Variants in TOX2 observed in about 807,000 individuals in gnomAD.
The protein encoded by TOX2 is TOX high mobility group box family member 2.
In TOX2, 15 loss-of-function variants were observed where a neutral mutation model predicts 47.4. The ratio of observed to expected loss-of-function variants is 0.32; its 90% confidence interval spans 0.21 to 0.49. The LOEUF (loss-of-function observed/expected upper bound fraction) is 0.49, where lower values mean the gene tolerates loss of function less well. Among genes scored for constraint, TOX2 ranks in the 20% least tolerant of loss-of-function variants. The pLI is 0.99. For synonymous variants in TOX2, 290 were observed against 296.6 expected (o/e 0.98, Z 0.23); for missense variants, 622 against 673.1 (o/e 0.92, Z 0.84).
At position 44,066,787 on chromosome 20, in the gene TOX2, T is replaced by G. The variant is rs1182114716; in HGVS notation, c.1414T>G (p.Ser472Ala). 6.2e-7 allele frequency: 1 copy of G among 1,614,138 alleles called. No individual in the cohort carries two copies. The highest frequency in any genetic ancestry group is 1.7e-5 in the Admixed American group (1 of 60,024). Residue 472 changes from serine (S) to alanine (A), a missense_variant, in exon 8 of 9, where the codon TCC becomes GCC. Ser to Ala is a moderately conservative substitution (Grantham distance 99). Around this residue, in one of 3 missense-constraint regions of TOX2, gnomAD observed 294 missense variants for 300.0 expected, o/e 0.98. Transcript: ENST00000341197. ...SSSGSCSPGPSNPTSSGDWDS... is the reference protein window; with the variant it reads ...SSSGSCSPGPANPTSSGDWDS... ...CTCGGGATCCTGCTCACCTGGCCCA[T>G]CCAACCCCACCAGCAGCGGGGACTG...
intron 5 of TOX2, among the ~76,000 whole-genome samples, chr20:44,058,611 A>AAAATACAACC (rs1379578290): frequency 6.6e-6 from 1 of 152,238 alleles, no homozygotes; most frequent in Non-Finnish European, 1.5e-5. Flanking sequence ...AGTGCACTTA[A>AAAATACAACC]AAATACAACC....
chr20:44,059,167 A>G (rs1202356693), intron 5 of TOX2, among the ~76,000 whole-genome samples: 1 of 152,212 alleles, frequency 6.6e-6, no homozygotes, highest in Non-Finnish European at 1.5e-5. Context: ...GTGAAATAGC[A>G]TAAATAAAAA....
chr20:43,914,870 C>A lies in TOX2; in HGVS notation c.-22C>A. 1 of 977,184 alleles carries A rather than the reference C, an allele frequency of 1.0e-6. No homozygotes were observed. Among genetic ancestry groups the A allele is most frequent in the Non-Finnish European group, 1.2e-6 (1 of 822,122 alleles). 60.5% of individuals were successfully genotyped at this position (977,184 alleles called of 1,614,324 possible). On this transcript the variant is annotated 5_prime_UTR_variant, in exon 1 of 9. Coordinates refer to ENST00000341197, the MANE Select transcript of TOX2 (RefSeq NM_001098797.2). This position sits in a 1 kb window ranked among gnomAD's most constrained non-coding sequence, Gnocchi z 4.5. ...CCCAGGCACTGCCCGCGGGAGCCGC[C>A]GCCGCCGCCGCCGCGCCCGCCATGG...
At chr20:44,036,342 G>T (rs2071239557) in intron 3 of TOX2, among the ~76,000 whole-genome samples, 1 of 152,200 alleles carries the variant, frequency 6.6e-6, no homozygotes, top group African/African-American at 2.4e-5. Flanking sequence ...ATGGGGTAGG[G>T]CTGTGGACAC....
At chr20:43,967,686 C>A (rs1233014019) in intron 1 of TOX2, among the ~76,000 whole-genome samples, 2 of 152,168 alleles carry the variant, frequency 1.3e-5, no homozygotes, top group East Asian at 3.8e-4. Flanking sequence ...TTTGTCCATC[C>A]ACCCATCTCA....
chr20:44,027,240 T>G (rs1169616606), intron 3 of TOX2, among the ~76,000 whole-genome samples: 1 of 149,018 alleles, frequency 6.7e-6, no homozygotes, highest in Non-Finnish European at 1.5e-5. Context: ...ATAAATTCTT[T>G]GGAAAGATGG....
intron 1 of TOX2, among the ~76,000 whole-genome samples, chr20:43,928,458 G>A (rs1045757260): frequency 3.3e-5 from 5 of 152,212 alleles, no homozygotes; most frequent in African/African-American, 1.2e-4. Context: ...TGTGTTGGTC[G>A]CTTTATTGCT....
At chr20:43,954,977 A>G (rs6031256) in intron 1 of TOX2, among the ~76,000 whole-genome samples, 52,115 of 152,018 alleles carry the variant, frequency 0.34, 10,386 homozygotes, top group African/African-American at 0.54. Flanking sequence ...TGCCTTATCT[A>G]CAATCCAAAA....
intron 2 of TOX2, among the ~76,000 whole-genome samples, chr20:43,979,456 G>A (rs2070134935): frequency 6.6e-6 from 1 of 151,904 alleles, no homozygotes; most frequent in South Asian, 2.1e-4. Flanking sequence ...AGAAGAGAGG[G>A]GATCTAGGTG....
intron 2 of TOX2, among the ~76,000 whole-genome samples, chr20:43,983,358 C>T (rs1441283400): frequency 3.9e-5 from 6 of 152,174 alleles, no homozygotes; most frequent in African/African-American, 1.4e-4. Flanking sequence ...CTTCACAGAT[C>T]CCCAAGTTTG....
At chr20:43,968,122 C>G (rs555927792) in intron 1 of TOX2, among the ~76,000 whole-genome samples, 1 of 152,316 alleles carries the variant, frequency 6.6e-6, no homozygotes, top group South Asian at 2.1e-4. Flanking sequence ...GTCTATCCAT[C>G]ACCCATCTAT....
At chr20:44,054,230 C>A in intron 4 of TOX2, 69 bp from the exon 5 acceptor site, 1 of 1,507,092 alleles carries the variant, frequency 6.6e-7, no homozygotes, top group Non-Finnish European at 9.0e-7. Context: ...CGGCCCAAGT[C>A]TGTGTTGATC....
intron 1 of TOX2, among the ~76,000 whole-genome samples, chr20:43,917,297 C>T (rs554321919): frequency 1.3e-5 from 2 of 152,226 alleles, no homozygotes; most frequent in East Asian, 3.9e-4. Flanking sequence ...CAGGAACTCC[C>T]CTTTTCTGGC....
intron 1 of TOX2, among the ~76,000 whole-genome samples, chr20:43,934,045 C>G (rs1366380813): frequency 6.7e-6 from 1 of 149,626 alleles, no homozygotes; most frequent in Non-Finnish European, 1.5e-5. Context: ...GTCCTTTGTT[C>G]TGGTCCTCAG....
At chr20:43,948,878 G>A (rs1265567113) in intron 1 of TOX2, among the ~76,000 whole-genome samples, 1 of 152,224 alleles carries the variant, frequency 6.6e-6, no homozygotes, top group Non-Finnish European at 1.5e-5. Flanking sequence ...GCAATTGGGT[G>A]GACCTGGATT....
intron 3 of TOX2, among the ~76,000 whole-genome samples, chr20:44,019,556 T>C (rs8118574): frequency 0.012 from 1,786 of 152,224 alleles, 38 homozygotes; most frequent in African/African-American, 0.041. Flanking sequence ...AAAGTGTTGG[T>C]TTAATGGCTC....
chr20:44,012,912 T>A (rs1019468825), intron 3 of TOX2, among the ~76,000 whole-genome samples: 1 of 152,246 alleles, frequency 6.6e-6, no homozygotes, highest in Admixed American at 6.5e-5. Flanking sequence ...AGGCCCTTCA[T>A]GCTGCACACA....
chr20:43,927,626 T>TTC (rs2069188806), intron 1 of TOX2, among the ~76,000 whole-genome samples: 1 of 6,076 alleles, frequency 1.6e-4, no homozygotes, highest in African/African-American at 4.8e-4. Flanking sequence ...CCTTCCTTCC[T>TTC]CCTTCCTTCC....
At chr20:43,946,377 G>C (rs6130487) in intron 1 of TOX2, among the ~76,000 whole-genome samples, 5 of 152,148 alleles carry the variant, frequency 3.3e-5, no homozygotes, top group African/African-American at 9.7e-5. Context: ...GGCTGATTCA[G>C]ACTGGAAACA....
Sources: gnomAD v4.1 joint callset for allele counts (sites outside exome capture counted in the v4.1 genomes callset) on GRCh38, gnomAD v4.1.1 for gene constraint, gnomAD v4.1.1 regional missense constraint, Gnocchi (gnomAD v3.1) non-coding constraint, MANE v1.5 for transcripts, NCBI Gene and HGNC (gene_info 2026-07-23, HGNC 2026-07-21) for gene names.